Variants in BCAS3 observed in about 807,000 individuals in gnomAD.
The protein encoded by BCAS3 is BCAS4/BCAS3 fusion.
A neutral mutation model predicts 116.1 loss-of-function variants in BCAS3; 53 were observed. The observed-to-expected ratio is 0.46, with a 90% CI of 0.37 to 0.57. The LOEUF (loss-of-function observed/expected upper bound fraction) is 0.57, where lower values mean the gene tolerates loss of function less well. BCAS3 is among the 20% of genes least tolerant of loss of function. The pLI is 0.00. For missense variants in BCAS3, 917 were observed against 1,165.4 expected (o/e 0.79, Z 3.10); for synonymous variants, 391 against 408.2 (o/e 0.96, Z 0.51).
intron 22 of BCAS3, among the ~76,000 whole-genome samples, chr17:61,172,530 G>C (rs952260834): frequency 2.6e-5 from 4 of 152,026 alleles, no homozygotes; most frequent in African/African-American, 9.7e-5. Flanking sequence ...CTAGCTACTC[G>C]GGAGGCTGAG....
chr17:61,140,321 A>G lies in BCAS3; in HGVS notation c.2425+55757A>G, dbSNP rs1189868750. 6.6e-6 allele frequency among the ~76,000 whole-genome samples: 1 copy of G among 152,208 alleles called. No homozygotes were observed. The highest frequency in any genetic ancestry group is 1.5e-5 in the Non-Finnish European group (1 of 68,042). ...GAAGTTTGCTTTGAATATATAGCAA[A>G]GGATATGTGAGGGATAGCTGTGGAA... On this transcript the variant is annotated intron_variant, in intron 22 of 23. Transcript: ENST00000407086. The surrounding 1 kb of genome is among the most constrained non-coding windows in gnomAD (Gnocchi z 4.2).
intron 10 of BCAS3, among the ~76,000 whole-genome samples, chr17:60,892,381 C>T (rs184725661): frequency 7.0e-4 from 105 of 149,920 alleles, no homozygotes; most frequent in African/African-American, 2.3e-3. Flanking sequence ...GGCATGATCT[C>T]GGCTCACCGC....
At chr17:60,810,422 G>C (rs2048697860) in intron 7 of BCAS3, 2 of 541,800 alleles carry the variant, frequency 3.7e-6, no homozygotes, top group Admixed American at 2.2e-5. Context: ...ACCATGCAAA[G>C]CCTGGACGAT....
intron 7 of BCAS3, among the ~76,000 whole-genome samples, chr17:60,834,163 AT>A: frequency 6.6e-6 from 1 of 152,202 alleles, no homozygotes; most frequent in East Asian, 1.9e-4. Context: ...AAAACATTTT[AT>A]GGTACAAGAG....
At chr17:61,165,664 TAAC>T (rs1351051557) in intron 22 of BCAS3, among the ~76,000 whole-genome samples, 1 of 152,154 alleles carries the variant, frequency 6.6e-6, no homozygotes, top group Non-Finnish European at 1.5e-5. Flanking sequence ...CCAGTCTGGG[TAAC>T]AAGAGTGAAA....
At chr17:60,810,930 A>C in intron 7 of BCAS3, 1 of 691,742 alleles carries the variant, frequency 1.4e-6, no homozygotes, top group East Asian at 2.8e-5. Context: ...TCTGGGCCCA[A>C]TATGACGAAC....
intron 7 of BCAS3, chr17:60,851,653 A>G (rs2053178994): frequency 2.7e-6 from 2 of 740,352 alleles, no homozygotes; most frequent in African/African-American, 1.8e-5. Flanking sequence ...GAAAGAAACT[A>G]AAGAAGATTT....
At chr17:60,811,205 A>G (rs2048780682) in intron 7 of BCAS3, 1 of 699,678 alleles carries the variant, frequency 1.4e-6, no homozygotes. Context: ...TGCTGCACCT[A>G]GAGTCAGAGC....
At chr17:60,747,411 C>G (rs1009447433) in intron 6 of BCAS3, 132 bp downstream of exon 6, 19 of 672,440 alleles carry the variant, frequency 2.8e-5, no homozygotes, top group East Asian at 2.8e-4. Flanking sequence ...CCCACCTCCC[C>G]CAAAGATAAA....
chr17:61,240,158 G>A (rs2047385337), intron 22 of BCAS3, among the ~76,000 whole-genome samples: 1 of 152,136 alleles, frequency 6.6e-6, no homozygotes, highest in Admixed American at 6.5e-5. Context: ...TTGAATGCCT[G>A]CTCTATCATA....
At position 61,026,584 on chromosome 17, in the gene BCAS3, A is replaced by G. The variant is rs937338538; in HGVS notation, c.1638-8082A>G. ...TTGTTTTAAAGGGCTTCAGCAGTGA[A>G]TTTTATTTTATTTTAACTTAGAAAT... On this transcript the variant is annotated intron_variant, in intron 16 of 23. Transcript: ENST00000407086. This position sits in a 1 kb window ranked among gnomAD's most constrained non-coding sequence, Gnocchi z 5.0. Among the ~76,000 whole-genome samples the G allele has an allele frequency of 1.3e-5, 2 of 151,956 alleles. No individual in the cohort carries two copies. The highest frequency in any genetic ancestry group is 4.8e-5 in the African/African-American group (2 of 41,426).
At position 60,679,443 on chromosome 17, in the gene BCAS3, C is replaced by A. The variant is rs376050639; in HGVS notation, c.-5-10C>A. Reference sequence around the variant, plus strand: ...TCTGTTTTTTGTTTGTTTGTTTGTTCTGGAAACAGGTTTTATGAATGAAGC... The same window carrying A: ...TCTGTTTTTTGTTTGTTTGTTTGTTATGGAAACAGGTTTTATGAATGAAGC... On this transcript the variant is annotated splice_polypyrimidine_tract_variant and intron_variant, in intron 1 of 23. Transcript: ENST00000407086. The A allele has an allele frequency of 1.6e-4, 263 of 1,600,892 alleles. No individual in the cohort carries two copies. Among genetic ancestry groups the A allele is most frequent in the Non-Finnish European group, 2.2e-4 (255 of 1,168,964 alleles).
At chr17:61,232,318 A>T (rs1215651795) in intron 22 of BCAS3, among the ~76,000 whole-genome samples, 2 of 151,876 alleles carry the variant, frequency 1.3e-5, no homozygotes, top group Non-Finnish European at 2.9e-5. Flanking sequence ...CAGATAATTT[A>T]GAAGCAATTA....
chr17:61,021,911 A>C lies in BCAS3; in HGVS notation c.1637+6010A>C, dbSNP rs2065902106. Among the ~76,000 whole-genome samples, 1 of 152,198 alleles carries C rather than the reference A, an allele frequency of 6.6e-6. No homozygotes were observed. The highest frequency in any genetic ancestry group is 2.1e-4 in the South Asian group (1 of 4,836). ...GGCCTGAGCCTTAAACTTTATAGGCAAAGTTCGGAGAATTAAATTGGAAAT... is the reference window on the plus strand; with the variant it reads ...GGCCTGAGCCTTAAACTTTATAGGCCAAGTTCGGAGAATTAAATTGGAAAT... On this transcript the variant is annotated intron_variant, in intron 16 of 23. Coordinates refer to ENST00000407086, the MANE Select transcript of BCAS3 (RefSeq NM_017679.5). This position sits in a 1 kb window ranked among gnomAD's most constrained non-coding sequence, Gnocchi z 4.6.
At chr17:61,207,531 T>C (rs1459806745) in intron 22 of BCAS3, among the ~76,000 whole-genome samples, 1 of 152,078 alleles carries the variant, frequency 6.6e-6, no homozygotes, top group Non-Finnish European at 1.5e-5. Flanking sequence ...CACCAAGCTG[T>C]TTCCCATGGC....
chr17:60,943,746 A>G (rs925897136), intron 13 of BCAS3, among the ~76,000 whole-genome samples: 1 of 152,140 alleles, frequency 6.6e-6, no homozygotes, highest in Admixed American at 6.5e-5. Context: ...TGGAACAAGG[A>G]TCATATTTCA....
intron 19 of BCAS3, chr17:61,069,937 AAG>A: frequency 6.4e-7 from 1 of 1,560,896 alleles, no homozygotes; most frequent in Non-Finnish European, 8.7e-7. Context: ...GAAGGCTTTA[AAG>A]GCCAAGAAGG....
Position 61,151,007 on chromosome 17 carries a change from G to C in BCAS3, c.2425+66443G>C, listed in dbSNP as rs2077511470. ...ATTCTGATAAGGCCCTGGAGCCACA[G>C]ACTTCTGTGTAGCCACATCTAGACA... On this transcript the variant is annotated intron_variant, in intron 22 of 23. Transcript: ENST00000407086. The surrounding 1 kb of genome is among the most constrained non-coding windows in gnomAD (Gnocchi z 4.8). Among the ~76,000 whole-genome samples the C allele has an allele frequency of 1.3e-5, 2 of 152,184 alleles. No homozygotes were observed. Among genetic ancestry groups the C allele is most frequent in the East Asian group, 1.9e-4 (1 of 5,198 alleles).
intron 22 of BCAS3, among the ~76,000 whole-genome samples, chr17:61,263,161 A>G (rs1275651813): frequency 1.3e-5 from 2 of 152,250 alleles, no homozygotes; most frequent in African/African-American, 4.8e-5. Flanking sequence ...ACCTGTTTAC[A>G]AAGGTGTGGA....
Sources: gnomAD v4.1 joint callset for allele counts (sites outside exome capture counted in the v4.1 genomes callset) on GRCh38, gnomAD v4.1.1 for gene constraint, Gnocchi (gnomAD v3.1) non-coding constraint, MANE v1.5 for transcripts, NCBI Gene and HGNC (gene_info 2026-07-23, HGNC 2026-07-21) for gene names.